SDK2: variants seen among roughly 807,000 people sequenced by gnomAD.
SDK2 encodes the protein protein sidekick-2.
SDK2 carries 105 observed loss-of-function variants against 253.9 expected under a neutral mutation model. The observed-to-expected ratio is 0.41, with a 90% CI of 0.35 to 0.49. The LOEUF is 0.49. Ranked by LOEUF, SDK2 falls within the 20% of genes least tolerant of loss-of-function variation. The pLI is 0.06. For synonymous variants in SDK2, 1,249 were observed against 1,234.9 expected, an observed-to-expected ratio of 1.01 and a Z score of -0.24; for missense variants, 2,608 against 3,003.0, an observed-to-expected ratio of 0.87 and a Z score of 3.07.
At chr17:73,500,048 G>T (rs1026467309) in intron 2 of SDK2, among the ~76,000 whole-genome samples, 1 of 152,026 alleles carries the variant, frequency 6.6e-6, no homozygotes, top group Non-Finnish European at 1.5e-5. Context: ...ACCCAAGGAT[G>T]AGTGGCAGGG....
intron 1 of SDK2, among the ~76,000 whole-genome samples, chr17:73,565,924 A>G (rs990904740): frequency 6.6e-6 from 1 of 152,196 alleles, no homozygotes; most frequent in African/African-American, 2.4e-5. Context: ...CCCAGGTTCA[A>G]GCGATTCTCC....
chr17:73,582,130 C>T (rs2145883736), intron 1 of SDK2, among the ~76,000 whole-genome samples: 1 of 152,320 alleles, frequency 6.6e-6, no homozygotes, highest in South Asian at 2.1e-4. Flanking sequence ...GAGTAGGGTA[C>T]ACACTGCACA....
At chr17:73,594,389 C>T (rs935152326) in intron 1 of SDK2, among the ~76,000 whole-genome samples, 2 of 152,104 alleles carry the variant, frequency 1.3e-5, no homozygotes, top group African/African-American at 4.8e-5. Context: ...GATGCCCTTC[C>T]CTCCCCCAGT....
chr17:73,357,898 G>GT, intron 40 of SDK2, 181 bp downstream of exon 40: 1 of 920,564 alleles, frequency 1.1e-6, no homozygotes. Flanking sequence ...TTAGCTAGGA[G>GT]TCCAGCTCTA....
chr17:73,335,670 G>A lies in SDK2; in HGVS notation c.*2917C>T, dbSNP rs1032506851. 3.3e-5 allele frequency: 5 copies of A among 152,206 alleles called. No homozygotes were observed. Among genetic ancestry groups the A allele is most frequent in the Admixed American group, 6.5e-5 (1 of 15,284 alleles). 9.4% of individuals were successfully genotyped at this position (152,206 alleles called of 1,614,324 possible). A position where few individuals can be genotyped will look rare whatever the true frequency, so the allele number is the denominator to read the frequency against. ...GACTAAGTGTGGGACTTTCACCATG[G>A]GCCCAGCCTGATCTCATGGGCTTGT... is the stretch of plus-strand genomic sequence containing the variant. On this transcript the variant is annotated 3_prime_UTR_variant, in exon 45 of 45. Coordinates refer to ENST00000392650, the MANE Select transcript of SDK2 (RefSeq NM_001144952.2).
chr17:73,615,154 A>T (rs1452991008), intron 1 of SDK2, among the ~76,000 whole-genome samples: 1 of 152,172 alleles, frequency 6.6e-6, no homozygotes, highest in African/African-American at 2.4e-5. Context: ...CACAATGAGT[A>T]CATACTTGAT....
chr17:73,574,117 G>A (rs572984115), intron 1 of SDK2, among the ~76,000 whole-genome samples: 3 of 152,156 alleles, frequency 2.0e-5, no homozygotes, highest in Non-Finnish European at 4.4e-5. Context: ...CCACATCTAT[G>A]CATTTCCTCA....
At chr17:73,597,813 T>G (rs1045462935) in intron 1 of SDK2, among the ~76,000 whole-genome samples, 6 of 151,936 alleles carry the variant, frequency 3.9e-5, no homozygotes, top group Non-Finnish European at 8.8e-5. Context: ...GCCCGGGTAA[T>G]TTTTTGTATT....
Position 73,431,591 on chromosome 17 carries a change from G to A in SDK2, c.1391C>T (p.Pro464Leu). The change falls in exon 11 of 45, where the codon CCC (proline) becomes CTC (leucine). Residue 464 changes from proline (P) to leucine (L), a missense_variant. Pro to Leu is a moderately conservative substitution (Grantham distance 98). Coordinates refer to ENST00000392650, the MANE Select transcript of SDK2 (RefSeq NM_001144952.2). The surrounding 1 kb of genome is among the most constrained non-coding windows in gnomAD (Gnocchi z 5.6). ...PLESGSLLIS[P>L]THISDAGTYT... ...GGTCCCCGCATCGGAGATGTGTGTG[G>A]GGCTGATGAGGAGGCTGCCCGACTC... 6.2e-7 allele frequency: 1 copy of A among 1,613,596 alleles called. No homozygotes were observed. The highest frequency in any genetic ancestry group is 8.5e-7 in the Non-Finnish European group (1 of 1,179,728).
chr17:73,429,803 C>T (rs1173563442), intron 12 of SDK2, among the ~76,000 whole-genome samples: 2 of 152,196 alleles, frequency 1.3e-5, no homozygotes, highest in East Asian at 3.8e-4. Flanking sequence ...CTTCCAAAGC[C>T]TTGGGGGTGG....
intron 16 of SDK2, among the ~76,000 whole-genome samples, chr17:73,418,070 C>T (rs905163307): frequency 3.0e-5 from 4 of 133,364 alleles, no homozygotes; most frequent in Non-Finnish European, 4.6e-5. Flanking sequence ...TGCAGTGGTG[C>T]GATCTTGGCT....
intron 2 of SDK2, among the ~76,000 whole-genome samples, chr17:73,475,794 T>C (rs1452865801): frequency 6.6e-6 from 1 of 152,250 alleles, no homozygotes; most frequent in African/African-American, 2.4e-5. Flanking sequence ...TATCGGTTGC[T>C]GTTCATTGAT....
chr17:73,510,054 G>A (rs2063968411), intron 1 of SDK2, among the ~76,000 whole-genome samples: 2 of 151,800 alleles, frequency 1.3e-5, no homozygotes, highest in African/African-American at 4.8e-5. Flanking sequence ...TGGGTGCAGC[G>A]GGCCTTCTCC....
In SDK2 at chr17:73,401,112, G is replaced by T. The variant is rs139022524; in HGVS notation, c.2879C>A (p.Ala960Glu). The T allele has an allele frequency of 2.6e-6, 4 of 1,565,116 alleles. No homozygotes were observed. The South Asian group carries it at 4.7e-5, about 18-fold the overall frequency. ...TLEYRVTGLT[A>E]LTTYTIEVAA... The stretch of plus-strand genomic sequence containing the variant: ...CACCTCGATGGTGTAGGTGGTGAGC[G>T]CGGTGAGGCCCGTGACACGGTACTC... Residue 960 changes from alanine to glutamate, a missense_variant, in exon 21 of 45, where the codon GCG (alanine) becomes GAG (glutamate). This residue lies in a region of SDK2 where 1,505 missense variants were observed against 1,859.1 expected (regional missense o/e 0.81). Coordinates refer to ENST00000392650, the MANE Select transcript of SDK2 (RefSeq NM_001144952.2).
At chr17:73,522,000 G>A (rs186552601) in intron 1 of SDK2, among the ~76,000 whole-genome samples, 5 of 152,344 alleles carry the variant, frequency 3.3e-5, no homozygotes, top group Admixed American at 1.3e-4. Context: ...TGTGGAGTCG[G>A]AACTATTCAC....
intron 1 of SDK2, among the ~76,000 whole-genome samples, chr17:73,555,695 G>A (rs1313213538): frequency 6.6e-6 from 1 of 152,202 alleles, no homozygotes; most frequent in Non-Finnish European, 1.5e-5. Flanking sequence ...GAAGTGAGGG[G>A]CTGCCAGGCG....
In SDK2 at chr17:73,405,524, C is replaced by A. The variant is rs1438860776; in HGVS notation, c.2485-3383G>T. Among the ~76,000 whole-genome samples the A allele has an allele frequency of 2.1e-3, 116 of 55,448 alleles. 4 individuals carry two copies. The highest frequency in any genetic ancestry group is 3.5e-3 in the Admixed American group (15 of 4,320). The allele number at this position is 55,448 out of a possible 152,430, so 36.4% of individuals were successfully genotyped here. On this transcript the variant is annotated intron_variant, in intron 18 of 44. Coordinates refer to ENST00000392650, the MANE Select transcript of SDK2 (RefSeq NM_001144952.2). ...TATATATATATATATATATAAAGAT[C>A]GAGAATGTGGAAAGTACATTGTCAC...
intron 1 of SDK2, among the ~76,000 whole-genome samples, chr17:73,552,862 C>T (rs1396000335): frequency 6.6e-6 from 1 of 152,250 alleles, no homozygotes; most frequent in African/African-American, 2.4e-5. Context: ...CTCTCCTTGG[C>T]AAGTTCTCAA....
rs372967952 is a variant in SDK2 at position 73,352,953 on chromosome 17, G to A, written c.5594-316C>T. Among the ~76,000 whole-genome samples, 1 of 152,164 alleles carries A rather than the reference G, an allele frequency of 6.6e-6. No individual in the cohort carries two copies. The highest frequency in any genetic ancestry group is 2.1e-4 in the South Asian group (1 of 4,826). On this transcript the variant is annotated intron_variant, in intron 40 of 44. Transcript: ENST00000392650. This position sits in a 1 kb window ranked among gnomAD's most constrained non-coding sequence, Gnocchi z 4.1. The stretch of plus-strand genomic sequence containing the variant: ...CTAAAAATACAAAAATTAGTCTGGT[G>A]TGGTGGCACATGCCTGTAATCCCAG...
Sources: gnomAD v4.1 joint callset for allele counts (sites outside exome capture counted in the v4.1 genomes callset) on GRCh38, gnomAD v4.1.1 for gene constraint, gnomAD v4.1.1 regional missense constraint, Gnocchi (gnomAD v3.1) non-coding constraint, MANE v1.5 for transcripts, NCBI Gene and HGNC (gene_info 2026-07-23, HGNC 2026-07-21) for gene names.